The following BBX variants were observed in gnomAD, a reference collection of about 807,000 sequenced individuals.
The protein encoded by BBX is BBX high mobility group box domain containing.
Under a neutral mutation model 100.2 loss-of-function variants are expected in BBX, and 30 were observed. The observed-to-expected ratio is 0.30, with a 90% confidence interval of 0.22 to 0.41. BBX has a LOEUF of 0.41. Among genes scored for constraint, BBX ranks in the 10% least tolerant of loss-of-function variants. BBX has a pLI of 1.00. For synonymous variants in BBX, 376 were observed against 388.1 expected, an observed-to-expected ratio of 0.97 and a Z score of 0.37; for missense variants, 1,023 against 1,129.8, an observed-to-expected ratio of 0.91 and a Z score of 1.35.
intron 3 of BBX, among the ~76,000 whole-genome samples, chr3:107,697,857 G>T (rs1010098681): frequency 2.0e-5 from 3 of 151,904 alleles, no homozygotes; most frequent in Non-Finnish European, 4.4e-5. Flanking sequence ...AGACTCCGTG[G>T]GCGTACGACC....
rs1194563979 is a variant in BBX at position 107,773,378 on chromosome 3, C to T, written c.1657C>T (p.Pro553Ser). The change falls in exon 11 of 18, where the codon CCA becomes TCA. Residue 553 changes from proline (P) to serine (S), a missense_variant. Transcript: ENST00000325805. The surrounding 1 kb of genome is among the most constrained non-coding windows in gnomAD (Gnocchi z 4.1). ...AGACACCACCAAAGAGTCAAGACCT[C>T]CAGATTTCATTAGTATTTCTGCTAG... ...SSDTTKESRP[P>S]DFISISASKN... 4 of 1,614,084 alleles carry T rather than the reference C, an allele frequency of 2.5e-6. No homozygotes were observed. Among genetic ancestry groups the T allele is most frequent in the South Asian group, 2.2e-5 (2 of 91,090 alleles).
chr3:107,678,739 A>G (rs2059416374), intron 3 of BBX, among the ~76,000 whole-genome samples: 1 of 152,070 alleles, frequency 6.6e-6, no homozygotes, highest in South Asian at 2.1e-4. Context: ...GAAGAAAAAA[A>G]AAGTTGTTAA....
At chr3:107,731,346 C>T (rs2063303897) in intron 6 of BBX, among the ~76,000 whole-genome samples, 1 of 152,146 alleles carries the variant, frequency 6.6e-6, no homozygotes, top group Non-Finnish European at 1.5e-5. Flanking sequence ...CTCCTGATCT[C>T]TAGGATGACA....
At chr3:107,655,779 C>A (rs1162710188) in intron 3 of BBX, among the ~76,000 whole-genome samples, 1 of 151,798 alleles carries the variant, frequency 6.6e-6, no homozygotes, top group Non-Finnish European at 1.5e-5. Context: ...CAGCTCACTG[C>A]AAGCTCCACC....
intron 6 of BBX, 58 bp downstream of exon 6, chr3:107,729,018 G>A (rs2063147954): frequency 6.5e-7 from 1 of 1,542,678 alleles, no homozygotes; most frequent in East Asian, 2.3e-5. Context: ...CATTTCGGCA[G>A]CATTTTAAAC....
intron 9 of BBX, among the ~76,000 whole-genome samples, chr3:107,748,692 G>A (rs2064822585): frequency 6.6e-6 from 1 of 152,138 alleles, no homozygotes. Flanking sequence ...CATTTCTAAT[G>A]AGCACTATAT....
At chr3:107,557,560 T>G (rs998900901) in intron 2 of BBX, among the ~76,000 whole-genome samples, 5 of 152,382 alleles carry the variant, frequency 3.3e-5, no homozygotes, top group Non-Finnish European at 5.9e-5. Flanking sequence ...CTTACTCATA[T>G]ACATGTGAAC....
At chr3:107,768,618 C>T (rs963099813) in intron 10 of BBX, among the ~76,000 whole-genome samples, 2 of 152,012 alleles carry the variant, frequency 1.3e-5, no homozygotes, top group Non-Finnish European at 2.9e-5. Flanking sequence ...GAAAGTCTTA[C>T]ATCTAAGTGC....
At chr3:107,651,041 G>A (rs1010886166) in intron 3 of BBX, among the ~76,000 whole-genome samples, 1 of 152,022 alleles carries the variant, frequency 6.6e-6, no homozygotes, top group African/African-American at 2.4e-5. Flanking sequence ...CAGTTCTTTG[G>A]GATTAGGGCC....
chr3:107,768,717 G>T (rs1180381368), intron 10 of BBX, among the ~76,000 whole-genome samples: 3 of 147,206 alleles, frequency 2.0e-5, no homozygotes, highest in African/African-American at 7.6e-5. Flanking sequence ...TTACATGACA[G>T]TAAACCCAAT....
At chr3:107,685,194 A>G (rs929592624) in intron 3 of BBX, among the ~76,000 whole-genome samples, 7 of 152,172 alleles carry the variant, frequency 4.6e-5, no homozygotes, top group African/African-American at 1.7e-4. Flanking sequence ...AACAAGTTTT[A>G]AGAGAATAGG....
In BBX at chr3:107,701,270, A is replaced by G. The variant is rs187774190; in HGVS notation, c.-9-9182A>G. 7.0e-4 allele frequency among the ~76,000 whole-genome samples: 107 copies of G among 152,238 alleles called. No individual in the cohort carries two copies. In the East Asian group the frequency reaches 9.3e-3, roughly 13 times the overall value. On this transcript the variant is annotated intron_variant, in intron 3 of 17. Transcript: ENST00000325805. ...AAGGGCAGTATGGGGACATGATTGA[A>G]AGCTCAGGCTCTAGGGAACGGAAGA... is the stretch of plus-strand genomic sequence containing the variant.
At chr3:107,587,647 T>C (rs2052959378) in intron 2 of BBX, among the ~76,000 whole-genome samples, 5 of 152,158 alleles carry the variant, frequency 3.3e-5, no homozygotes, top group Admixed American at 3.3e-4. Flanking sequence ...CCACAGCAAA[T>C]AGTCGGGATC....
chr3:107,714,352 G>T (rs1362881725), intron 4 of BBX, among the ~76,000 whole-genome samples: 1 of 152,048 alleles, frequency 6.6e-6, no homozygotes, highest in African/African-American at 2.4e-5. Context: ...CTAGTGCTTT[G>T]TTATCTTGCT....
intron 13 of BBX, among the ~76,000 whole-genome samples, chr3:107,787,719 G>C (rs2068585758): frequency 2.6e-5 from 4 of 152,136 alleles, no homozygotes. Flanking sequence ...GATGGGCATG[G>C]GGTTGGCTTG....
At chr3:107,655,188 CTAAG>C (rs2058061009) in intron 3 of BBX, among the ~76,000 whole-genome samples, 1 of 152,032 alleles carries the variant, frequency 6.6e-6, no homozygotes, top group South Asian at 2.1e-4. Context: ...CTGTACAATT[CTAAG>C]TGATAGAAGT....
At chr3:107,532,938 AT>A (rs1186221685) in intron 2 of BBX, among the ~76,000 whole-genome samples, 1 of 152,140 alleles carries the variant, frequency 6.6e-6, no homozygotes, top group Non-Finnish European at 1.5e-5. Context: ...TTGGAAATAG[AT>A]TCACAATCTT....
intron 3 of BBX, among the ~76,000 whole-genome samples, chr3:107,667,744 TTATG>T (rs2058827697): frequency 6.6e-6 from 1 of 152,064 alleles, no homozygotes; most frequent in Non-Finnish European, 1.5e-5. Context: ...GCATTGAGGT[TTATG>T]TAATTATCCA....
Position 107,772,608 on chromosome 3 carries a change from A to T in BBX, c.907-20A>T. 9 of 1,547,428 alleles carry T rather than the reference A, an allele frequency of 5.8e-6. No homozygotes were observed. Among genetic ancestry groups the T allele is most frequent in the Non-Finnish European group, 7.8e-6 (9 of 1,154,390 alleles). On this transcript the variant is annotated intron_variant, in intron 10 of 17. Coordinates refer to ENST00000325805, the MANE Select transcript of BBX (RefSeq NM_001142568.3). ...TAAGGATACTTTCGGGTGCTCTCCC[A>T]TTTTGTTTTAATTGTTTAGATGTGC...
Sources: allele counts gnomAD v4.1 joint callset (sites outside exome capture counted in the v4.1 genomes callset), GRCh38; gene constraint gnomAD v4.1.1; non-coding constraint Gnocchi (gnomAD v3.1); transcripts MANE v1.5; gene names NCBI Gene and HGNC (gene_info 2026-07-23, HGNC 2026-07-21).